Variants in SOX6 observed in about 807,000 individuals in gnomAD.
SOX6 encodes the protein SRY-box transcription factor 6.
A neutral mutation model predicts 97.8 loss-of-function variants in SOX6; 11 were observed. That is an observed-to-expected ratio of 0.11 (90% CI 0.07 to 0.19). The LOEUF is 0.19. Among genes scored for constraint, SOX6 ranks in the 10% least tolerant of loss-of-function variants. The pLI is 1.00. For synonymous variants in SOX6, 360 were observed against 371.4 expected (o/e 0.97, Z 0.35); for missense variants, 810 against 1,039.5 (o/e 0.78, Z 3.04).
rs1243636846 is a variant in SOX6, at chr11:16,714,778, T to A, written n.429+52A>T. On this transcript the variant is annotated intron_variant and non_coding_transcript_variant, in intron 3 of 5. Coordinates refer to the SOX6 transcript ENST00000524520. ...GTCTTTTAATTTTCATTAGGTCTTT[T>A]ATGTCTACCAGATGTGTCTCTTGCT... The A allele has an allele frequency of 2.6e-5, 4 of 151,808 alleles. No individual in the cohort carries two copies. In the East Asian group the frequency reaches 7.7e-4, roughly 29 times the overall value. 9.4% of individuals were successfully genotyped at this position (151,808 alleles called of 1,614,324 possible). A position where few individuals can be genotyped will look rare whatever the true frequency, so the allele number is the denominator to read the frequency against.
At chr11:16,594,759 C>T (rs1848193304) in intron 4 of SOX6, among the ~76,000 whole-genome samples, 1 of 116,662 alleles carries the variant, frequency 8.6e-6, no homozygotes, top group South Asian at 3.0e-4. Context: ...GGCGTGATCT[C>T]GGCTCACTGC....
intron 6 of SOX6, among the ~76,000 whole-genome samples, chr11:16,117,496 T>C (rs1163317066): frequency 6.6e-6 from 1 of 152,160 alleles, no homozygotes; most frequent in Non-Finnish European, 1.5e-5. Flanking sequence ...AAGTATAAAT[T>C]AAAGCAACAA....
At chr11:16,036,182 C>T (rs1450823991) in intron 12 of SOX6, among the ~76,000 whole-genome samples, 1 of 151,238 alleles carries the variant, frequency 6.6e-6, no homozygotes, top group Non-Finnish European at 1.5e-5. Flanking sequence ...TAGGTTCAAG[C>T]AATTTTCCTG....
At chr11:16,099,358 T>C (rs1380579577) in intron 7 of SOX6, among the ~76,000 whole-genome samples, 6 of 151,792 alleles carry the variant, frequency 4.0e-5, no homozygotes, top group African/African-American at 9.7e-5. Context: ...AGGAAGAATA[T>C]CCTAATCTAA....
At chr11:16,022,038 T>C (rs972669567) in intron 12 of SOX6, among the ~76,000 whole-genome samples, 10 of 152,154 alleles carry the variant, frequency 6.6e-5, no homozygotes, top group Non-Finnish European at 1.5e-4. Flanking sequence ...TAGATTACCA[T>C]GTGATCTCTC....
At chr11:16,604,809 G>T (rs1848314598) in intron 4 of SOX6, among the ~76,000 whole-genome samples, 2 of 152,234 alleles carry the variant, frequency 1.3e-5, no homozygotes, top group African/African-American at 4.8e-5. Context: ...TTTCAAACTT[G>T]GTCCGCCTAA....
chr11:16,455,926 T>C (rs555655126), intron 1 of SOX6, among the ~76,000 whole-genome samples: 7 of 152,148 alleles, frequency 4.6e-5, no homozygotes, highest in African/African-American at 1.7e-4. Context: ...AAGAAAAAAG[T>C]TACATGTTTG....
chr11:16,449,277 CTTTTTTTTTTTTTTTTTT>C (rs10611823), intron 1 of SOX6, among the ~76,000 whole-genome samples: 4 of 62,906 alleles, frequency 6.4e-5, no homozygotes, highest in East Asian at 4.5e-4. Flanking sequence ...AATGCTCCTT[CTTTTTTTTTTTTTTTTTT>C]TTTTTTTTTT....
chr11:16,057,929 C>T (rs1249787710), intron 9 of SOX6, among the ~76,000 whole-genome samples: 2 of 152,070 alleles, frequency 1.3e-5, no homozygotes, highest in Non-Finnish European at 2.9e-5. Flanking sequence ...AGGATCTTCC[C>T]TTTCCACTGA....
At chr11:16,282,471 T>C (rs1448325005) in intron 3 of SOX6, among the ~76,000 whole-genome samples, 1 of 151,584 alleles carries the variant, frequency 6.6e-6, no homozygotes, top group East Asian at 1.9e-4. Flanking sequence ...AAGTAGAGAT[T>C]AATACAGGAA....
intron 12 of SOX6, among the ~76,000 whole-genome samples, chr11:16,018,534 C>G (rs1854953430): frequency 6.6e-6 from 1 of 151,990 alleles, no homozygotes; most frequent in Non-Finnish European, 1.5e-5. Flanking sequence ...AGTAAGCACA[C>G]AATAATGGCT....
intron 4 of SOX6, among the ~76,000 whole-genome samples, chr11:16,511,499 A>G (rs1860879208): frequency 6.6e-6 from 1 of 152,080 alleles, no homozygotes; most frequent in South Asian, 2.1e-4. Context: ...CCCAGGCTTT[A>G]CCTGTTTTGT....
chr11:16,536,388 C>T (rs140198234), intron 4 of SOX6, among the ~76,000 whole-genome samples: 128 of 152,266 alleles, frequency 8.4e-4, no homozygotes, highest in African/African-American at 2.9e-3. Context: ...GCGAGATTGA[C>T]GCAGAAGATG....
chr11:16,143,169 A>T (rs940825440), intron 6 of SOX6, among the ~76,000 whole-genome samples: 4 of 152,230 alleles, frequency 2.6e-5, no homozygotes, highest in African/African-American at 9.6e-5. Context: ...GAAACTCTAC[A>T]AGCCAGAATA....
chr11:16,140,092 C>A (rs930117389), intron 6 of SOX6, among the ~76,000 whole-genome samples: 5 of 151,250 alleles, frequency 3.3e-5, no homozygotes, highest in African/African-American at 1.2e-4. Context: ...TTTATTTTCT[C>A]TCTATCTCTT....
At chr11:16,221,641 G>A (rs561084274) in intron 4 of SOX6, among the ~76,000 whole-genome samples, 14 of 152,240 alleles carry the variant, frequency 9.2e-5, no homozygotes, top group African/African-American at 3.4e-4. Flanking sequence ...AAAAGTAATT[G>A]ACAGTATTGG....
chr11:16,124,748 T>G (rs1452846301), intron 6 of SOX6, among the ~76,000 whole-genome samples: 1 of 152,032 alleles, frequency 6.6e-6, no homozygotes, highest in Non-Finnish European at 1.5e-5. Context: ...TGATGGAAAG[T>G]CACTGAAGGG....
chr11:16,146,917 A>C (rs1460788653), intron 6 of SOX6, among the ~76,000 whole-genome samples: 4 of 152,212 alleles, frequency 2.6e-5, no homozygotes, highest in Non-Finnish European at 4.4e-5. Flanking sequence ...ACTGTAAACT[A>C]GTTCGACCAT....
chr11:16,648,459 C>T (rs1849046454), intron 3 of SOX6, among the ~76,000 whole-genome samples: 1 of 152,148 alleles, frequency 6.6e-6, no homozygotes, highest in South Asian at 2.1e-4. Context: ...AGCCCATCAC[C>T]TGAGAAACCA....
Sources: gnomAD v4.1 joint callset for allele counts (sites outside exome capture counted in the v4.1 genomes callset) on GRCh38, gnomAD v4.1.1 for gene constraint, MANE v1.5 for transcripts, NCBI Gene and HGNC (gene_info 2026-07-23, HGNC 2026-07-21) for gene names.